Variants in CSNK1G1 observed in about 807,000 individuals in gnomAD.
CSNK1G1 encodes the protein casein kinase I isoform gamma-1.
Under a neutral mutation model 59.6 loss-of-function variants are expected in CSNK1G1, and 22 were observed. That is an observed-to-expected ratio of 0.37 (90% CI 0.26 to 0.53). The LOEUF is 0.53. Among genes scored for constraint, CSNK1G1 ranks in the 20% least tolerant of loss-of-function variants. CSNK1G1 has a pLI of 0.89. For missense variants in CSNK1G1, 384 were observed against 519.5 expected (o/e 0.74, Z 2.54); for synonymous variants, 179 against 177.1 (o/e 1.01, Z -0.08).
At chr15:64,229,460 A>G (rs1398764110) in intron 4 of CSNK1G1, among the ~76,000 whole-genome samples, 4 of 152,226 alleles carry the variant, frequency 2.6e-5, no homozygotes, top group Non-Finnish European at 5.9e-5. Context: ...TCATGTAACA[A>G]GAGTCAACTC....
At chr15:64,318,306 C>CA (rs990002576) in intron 1 of CSNK1G1, among the ~76,000 whole-genome samples, 39 of 151,176 alleles carry the variant, frequency 2.6e-4, no homozygotes, top group Non-Finnish European at 5.5e-4. Context: ...AGTGTATGCT[C>CA]AAAAAAAATA....
At chr15:64,286,318 CTGA>C (rs1894407956) in intron 2 of CSNK1G1, among the ~76,000 whole-genome samples, 1 of 134,262 alleles carries the variant, frequency 7.4e-6, no homozygotes, top group Admixed American at 7.0e-5. Flanking sequence ...CCCCACTCTG[CTGA>C]TATTGTTAAC....
At chr15:64,192,840 TAAAAAAAAAAAAAAA>T (rs66643774) in intron 10 of CSNK1G1, among the ~76,000 whole-genome samples, 56 of 32,234 alleles carry the variant, frequency 1.7e-3, no homozygotes, top group East Asian at 8.0e-3. Flanking sequence ...GAGATCTGCC[TAAAAAAAAAAAAAAA>T]AAAAAAAAAA....
intron 1 of CSNK1G1, among the ~76,000 whole-genome samples, chr15:64,316,685 C>T (rs1233148574): frequency 2.0e-5 from 3 of 152,074 alleles, no homozygotes; most frequent in Non-Finnish European, 4.4e-5. Flanking sequence ...ATGAAATTCA[C>T]AGGCAGACAG....
At chr15:64,345,719 A>T (rs2140483467) in intron 1 of CSNK1G1, among the ~76,000 whole-genome samples, 1 of 152,346 alleles carries the variant, frequency 6.6e-6, no homozygotes, top group African/African-American at 2.4e-5. Context: ...TCATTTAAAA[A>T]TAACTCCCAC....
chr15:64,253,174 G>A (rs1892183593), intron 3 of CSNK1G1, among the ~76,000 whole-genome samples: 1 of 152,114 alleles, frequency 6.6e-6, no homozygotes, highest in South Asian at 2.1e-4. Flanking sequence ...GGGAGACCTT[G>A]TCTCTACCAA....
chr15:64,336,312 A>G (rs1459298503), intron 1 of CSNK1G1, among the ~76,000 whole-genome samples: 1 of 152,146 alleles, frequency 6.6e-6, no homozygotes, highest in African/African-American at 2.4e-5. Flanking sequence ...CAAAACCACA[A>G]TGTCCTCAAA....
chr15:64,317,097 C>CT (rs1029313027), intron 1 of CSNK1G1: 3 of 151,444 alleles, frequency 2.0e-5, no homozygotes, highest in Admixed American at 6.6e-5. Context: ...AGACATGGAA[C>CT]TTTTTTTTTG....
At chr15:64,315,237 CT>C (rs1896207387) in intron 1 of CSNK1G1, among the ~76,000 whole-genome samples, 1 of 152,200 alleles carries the variant, frequency 6.6e-6, no homozygotes, top group Non-Finnish European at 1.5e-5. Flanking sequence ...TGGAGCCAAC[CT>C]TGTCAAGAGC....
chr15:64,216,911 C>T lies in CSNK1G1; in HGVS notation c.293-198G>A, dbSNP rs1393851874. ...CTAATAATGATGGGAAAGGCTAAGT[C>T]ATTGCACAATACGTTCAAATGAGTA... On this transcript the variant is annotated intron_variant, in intron 4 of 11. Transcript: ENST00000303052. This position sits in a 1 kb window ranked among gnomAD's most constrained non-coding sequence, Gnocchi z 4.6. Among the ~76,000 whole-genome samples, 1 of 152,220 alleles carries T rather than the reference C, an allele frequency of 6.6e-6. No homozygotes were observed. The highest frequency in any genetic ancestry group is 1.5e-5 in the Non-Finnish European group (1 of 68,044).
At chr15:64,309,265 T>C (rs1043677235) in intron 1 of CSNK1G1, among the ~76,000 whole-genome samples, 2 of 151,432 alleles carry the variant, frequency 1.3e-5, no homozygotes, top group Non-Finnish European at 2.9e-5. Flanking sequence ...ACCATTTTAT[T>C]TGCAGGGCCT....
chr15:64,193,440 C>A (rs1332234305), intron 10 of CSNK1G1, among the ~76,000 whole-genome samples: 2 of 148,650 alleles, frequency 1.3e-5, no homozygotes, highest in Non-Finnish European at 3.0e-5. Context: ...TTGCATGAGC[C>A]GAGATCGCGC....
Position 64,202,759 on chromosome 15 carries a change from G to A in CSNK1G1, c.1107+323C>T, listed in dbSNP as rs1232685588. 2.6e-5 allele frequency among the ~76,000 whole-genome samples: 4 copies of A among 152,160 alleles called. No homozygotes were observed. The East Asian group carries it at 7.7e-4, about 29-fold the overall frequency. On this transcript the variant is annotated intron_variant, in intron 10 of 11. Transcript: ENST00000303052. Reference sequence around the variant, plus strand: ...TGTAGAGACAGGGTTTCACCATCTTGCCCAGGCTGGTCTTGAACTCCTGGC... The same window carrying A: ...TGTAGAGACAGGGTTTCACCATCTTACCCAGGCTGGTCTTGAACTCCTGGC...
At chr15:64,228,582 G>C (rs892002187) in intron 4 of CSNK1G1, among the ~76,000 whole-genome samples, 2 of 152,138 alleles carry the variant, frequency 1.3e-5, no homozygotes, top group African/African-American at 4.8e-5. Context: ...GTTGCAGTGA[G>C]CCAAGATCAT....
intron 4 of CSNK1G1, among the ~76,000 whole-genome samples, chr15:64,246,213 TA>T (rs778968745): frequency 4.6e-5 from 7 of 152,086 alleles, no homozygotes; most frequent in Non-Finnish European, 1.0e-4. Flanking sequence ...CATAAATAGG[TA>T]TATTATGTAT....
At chr15:64,259,094 C>A in intron 3 of CSNK1G1, 107 bp downstream of exon 3, 1 of 914,922 alleles carries the variant, frequency 1.1e-6, no homozygotes. Context: ...AAAAAAACCC[C>A]AAACCATTAG....
intron 2 of CSNK1G1, among the ~76,000 whole-genome samples, chr15:64,288,863 C>T (rs1954227852): frequency 6.6e-6 from 1 of 151,986 alleles, no homozygotes; most frequent in East Asian, 1.9e-4. Context: ...CCATAACCAT[C>T]CTACTTTCAT....
chr15:64,276,946 C>CAAAAAA (rs1304321213), intron 2 of CSNK1G1, among the ~76,000 whole-genome samples: 5 of 54,438 alleles, frequency 9.2e-5, no homozygotes, highest in Admixed American at 2.1e-4. Context: ...GACTCCATCT[C>CAAAAAA]AAAAAAAAAA....
intron 2 of CSNK1G1, among the ~76,000 whole-genome samples, chr15:64,268,941 G>C (rs1286581117): frequency 6.6e-6 from 1 of 152,116 alleles, no homozygotes. Context: ...AAGTGCTCAA[G>C]GAGCCTGCTA....
Sources: gnomAD v4.1 joint callset for allele counts (sites outside exome capture counted in the v4.1 genomes callset) on GRCh38, gnomAD v4.1.1 for gene constraint, Gnocchi (gnomAD v3.1) non-coding constraint, MANE v1.5 for transcripts, NCBI Gene and HGNC (gene_info 2026-07-23, HGNC 2026-07-21) for gene names.